Variants in INPP5A observed in about 807,000 individuals in gnomAD.
INPP5A encodes the protein inositol polyphosphate-5-phosphatase A.
INPP5A carries 14 observed loss-of-function variants against 65.2 expected under a neutral mutation model. That is an observed-to-expected ratio of 0.21 (90% CI 0.14 to 0.34). The LOEUF (loss-of-function observed/expected upper bound fraction) is 0.34, where lower values mean the gene tolerates loss of function less well. INPP5A is among the 10% of genes least tolerant of loss of function. INPP5A has a pLI of 1.00. For synonymous variants in INPP5A, 207 were observed against 208.3 expected (o/e 0.99, Z 0.05); for missense variants, 431 against 545.6 (o/e 0.79, Z 2.09).
chr10:132,558,211 G>A (rs2071152192), intron 1 of INPP5A, among the ~76,000 whole-genome samples: 1 of 152,214 alleles, frequency 6.6e-6, no homozygotes, highest in Admixed American at 6.5e-5. Context: ...AGCTGCGCAT[G>A]TGATGGGGTG....
intron 9 of INPP5A, among the ~76,000 whole-genome samples, chr10:132,736,842 C>T (rs1330910299): frequency 2.0e-5 from 3 of 152,220 alleles, no homozygotes; most frequent in Non-Finnish European, 2.9e-5. Flanking sequence ...TCCTGAGACC[C>T]GCTGGCTGCT....
In INPP5A at chr10:132,782,491, A is replaced by C. The variant is rs1847184150; in HGVS notation, c.*462A>C. The C allele has an allele frequency of 5.0e-6, 1 of 198,638 alleles. No individual in the cohort carries two copies. The highest frequency in any genetic ancestry group is 1.3e-4 in the East Asian group (1 of 7,948). The allele number at this position is 198,638 out of a possible 1,614,324, so 12.3% of individuals were successfully genotyped here. On this transcript the variant is annotated 3_prime_UTR_variant, in exon 16 of 16. Coordinates refer to ENST00000368594, the MANE Select transcript of INPP5A (RefSeq NM_005539.5). The surrounding 1 kb of genome is among the most constrained non-coding windows in gnomAD (Gnocchi z 4.4). ...TCTGCCGGCCGGCAGCGTGGCCCTG[A>C]GCATGGCAAGGGGGTCTGTCTCTGC... is the stretch of plus-strand genomic sequence containing the variant.
rs760987882 is a variant in INPP5A, at chr10:132,637,907, C to CTT, written c.118-7954_118-7953dup. Among the ~76,000 whole-genome samples the CTT allele has an allele frequency of 6.6e-6, 1 of 151,478 alleles. No homozygotes were observed. Among genetic ancestry groups the CTT allele is most frequent in the African/African-American group, 2.4e-5 (1 of 41,266 alleles). Reference sequence around the variant, plus strand: ...AGTTTGTGTGTGTACAATTTTTTGTCTTTTTTTTACAGCCGTTTTGTAGGG... The same window carrying CTT: ...AGTTTGTGTGTGTACAATTTTTTGTCTTTTTTTTTTACAGCCGTTTTGTAGGG... On this transcript the variant is annotated intron_variant, in intron 2 of 15. Transcript: ENST00000368594. This position sits in a 1 kb window ranked among gnomAD's most constrained non-coding sequence, Gnocchi z 4.1.
chr10:132,714,337 C>T (rs1845702414), intron 8 of INPP5A, among the ~76,000 whole-genome samples: 1 of 152,214 alleles, frequency 6.6e-6, no homozygotes, highest in Non-Finnish European at 1.5e-5. Flanking sequence ...AATGGGTCGC[C>T]CTTTCACCGC....
chr10:132,632,618 G>C (rs2072290791), intron 2 of INPP5A, among the ~76,000 whole-genome samples: 1 of 152,180 alleles, frequency 6.6e-6, no homozygotes, highest in Non-Finnish European at 1.5e-5. Flanking sequence ...ACTGCACCCC[G>C]CCCAGATTGT....
rs1280492403 is a variant in INPP5A at position 132,678,500 on chromosome 10, G to A, written c.307-11892G>A. Among the ~76,000 whole-genome samples, 2 of 152,168 alleles carry A rather than the reference G, an allele frequency of 1.3e-5. No individual in the cohort carries two copies. Among genetic ancestry groups the A allele is most frequent in the African/African-American group, 4.8e-5 (2 of 41,422 alleles). On this transcript the variant is annotated intron_variant, in intron 4 of 15. Coordinates refer to ENST00000368594, the MANE Select transcript of INPP5A (RefSeq NM_005539.5). This position sits in a 1 kb window ranked among gnomAD's most constrained non-coding sequence, Gnocchi z 4.1. Reference sequence around the variant, plus strand: ...GTGTGTTCAGCTTCTCGGGAGCACCGTGAACCTGTGCCTTGGGTTGTGCTT... The same window carrying A: ...GTGTGTTCAGCTTCTCGGGAGCACCATGAACCTGTGCCTTGGGTTGTGCTT...
intron 4 of INPP5A, among the ~76,000 whole-genome samples, chr10:132,652,825 G>A (rs747978157): frequency 3.9e-5 from 6 of 152,318 alleles, no homozygotes; most frequent in African/African-American, 1.4e-4. Flanking sequence ...GGCTGAGAGC[G>A]GTCATTTCAC....
chr10:132,654,394 G>A (rs1326345268), intron 4 of INPP5A, among the ~76,000 whole-genome samples: 1 of 152,248 alleles, frequency 6.6e-6, no homozygotes, highest in Non-Finnish European at 1.5e-5. Context: ...TGCCAAGCTG[G>A]TGCCAGGCGG....
intron 2 of INPP5A, among the ~76,000 whole-genome samples, chr10:132,633,511 G>A (rs934004866): frequency 1.3e-5 from 2 of 152,132 alleles, no homozygotes; most frequent in Non-Finnish European, 1.5e-5. Flanking sequence ...GAGTGGGTTC[G>A]TACTGTCTGA....
At position 132,559,639 on chromosome 10, in the gene INPP5A, C is replaced by G. The variant is rs143688960; in HGVS notation, c.75+21468C>G. Among the ~76,000 whole-genome samples the G allele has an allele frequency of 5.6e-3, 827 of 148,618 alleles. 10 individuals are homozygous for G. The highest frequency in any genetic ancestry group is 0.018 in the African/African-American group (728 of 41,226). ...CAGCACGTGTGTTCCAGGGACCTCA[C>G]TTACTCAGCACGTGTGTTCCAGGGA... On this transcript the variant is annotated intron_variant, in intron 1 of 15. Coordinates refer to ENST00000368594, the MANE Select transcript of INPP5A (RefSeq NM_005539.5).
chr10:132,601,285 A>T (rs2071774071), intron 1 of INPP5A, among the ~76,000 whole-genome samples: 1 of 152,212 alleles, frequency 6.6e-6, no homozygotes. Flanking sequence ...GTGCACGTTG[A>T]CCATTTCATA....
intron 12 of INPP5A, among the ~76,000 whole-genome samples, chr10:132,766,406 G>C (rs530371210): frequency 1.3e-5 from 2 of 152,342 alleles, no homozygotes; most frequent in Admixed American, 1.3e-4. Context: ...CAATATCGGG[G>C]CCTCCAAATG....
chr10:132,690,586 A>G (rs1845242806), intron 5 of INPP5A, 131 bp downstream of exon 5: 1 of 699,612 alleles, frequency 1.4e-6, no homozygotes, highest in Non-Finnish European at 2.5e-6. Context: ...GCCACTGTCC[A>G]GAGGTCACTC....
chr10:132,779,964 T>C (rs950889925), intron 13 of INPP5A, among the ~76,000 whole-genome samples: 7 of 152,248 alleles, frequency 4.6e-5, no homozygotes, highest in African/African-American at 1.7e-4. Flanking sequence ...TCCACAATTT[T>C]ATGCTGCCTT....
At position 132,676,417 on chromosome 10, in the gene INPP5A, C is replaced by T. The variant is rs910059011; in HGVS notation, c.307-13975C>T. ...CAGGACCTTTCCACCTGTCTCCCTC[C>T]ACTCCGGGTGAAAGAGGCATGGGGA... is the stretch of plus-strand genomic sequence containing the variant. On this transcript the variant is annotated intron_variant, in intron 4 of 15. Coordinates refer to ENST00000368594, the MANE Select transcript of INPP5A (RefSeq NM_005539.5). The surrounding 1 kb of genome is among the most constrained non-coding windows in gnomAD (Gnocchi z 4.0). 1.1e-4 allele frequency among the ~76,000 whole-genome samples: 17 copies of T among 152,206 alleles called. No individual in the cohort carries two copies. Among genetic ancestry groups the T allele is most frequent in the African/African-American group, 3.9e-4 (16 of 41,454 alleles).
At chr10:132,722,297 A>G (rs1325170263) in intron 8 of INPP5A, among the ~76,000 whole-genome samples, 1 of 152,116 alleles carries the variant, frequency 6.6e-6, no homozygotes, top group Non-Finnish European at 1.5e-5. Flanking sequence ...ATAAAAAAGG[A>G]AAGAAGGAAA....
intron 8 of INPP5A, among the ~76,000 whole-genome samples, chr10:132,715,549 G>A (rs1024543788): frequency 2.0e-5 from 3 of 152,138 alleles, no homozygotes; most frequent in Non-Finnish European, 4.4e-5. Context: ...CCCCAGCCCC[G>A]CTTTGTGGCT....
At chr10:132,773,779 C>A (rs1468234500) in intron 12 of INPP5A, among the ~76,000 whole-genome samples, 1 of 152,162 alleles carries the variant, frequency 6.6e-6, no homozygotes, top group Non-Finnish European at 1.5e-5. Flanking sequence ...GAGGGGAGCA[C>A]CCAGGACAGC....
chr10:132,592,812 AT>A (rs1452348115), intron 1 of INPP5A, among the ~76,000 whole-genome samples: 1 of 152,212 alleles, frequency 6.6e-6, no homozygotes, highest in African/African-American at 2.4e-5. Context: ...GTGGCCACGG[AT>A]GTCGTGGCTT....
Sources: gnomAD v4.1 joint callset for allele counts (sites outside exome capture counted in the v4.1 genomes callset) on GRCh38, gnomAD v4.1.1 for gene constraint, Gnocchi (gnomAD v3.1) non-coding constraint, MANE v1.5 for transcripts, NCBI Gene and HGNC (gene_info 2026-07-23, HGNC 2026-07-21) for gene names.